The following CDHR2 variants were observed in gnomAD, a reference collection of about 807,000 sequenced individuals.
The protein encoded by CDHR2 is cadherin-related family member 2.
In CDHR2, 104 loss-of-function variants were observed where a neutral mutation model predicts 138.6. That is an observed-to-expected ratio of 0.75 (90% confidence interval 0.64 to 0.88). The LOEUF is 0.88. Ranked by LOEUF, CDHR2 falls within the 40% of genes least tolerant of loss-of-function variation. The pLI is 0.00. For missense variants in CDHR2, 1,624 were observed against 1,727.6 expected (o/e 0.94, Z 1.06); for synonymous variants, 755 against 742.8 (o/e 1.02, Z -0.27).
intron 1 of CDHR2, 104 bp downstream of exon 1, chr5:176,549,518 C>T (rs1309982309): frequency 6.6e-6 from 1 of 152,282 alleles, no homozygotes; most frequent in Non-Finnish European, 1.5e-5. Context: ...AAAGTCTCCC[C>T]TGAAGCTGGG....
At chr5:176,548,993 A>G (rs1397231789), upstream of CDHR2, among the ~76,000 whole-genome samples, 1 of 152,094 alleles carries the variant, frequency 6.6e-6, no homozygotes, top group African/African-American at 2.4e-5. Flanking sequence ...CCACTTGTCC[A>G]CAGATCCCCT....
intron 30 of CDHR2, among the ~76,000 whole-genome samples, chr5:176,592,217 G>A (rs912086995): frequency 4.0e-5 from 6 of 149,954 alleles, no homozygotes; most frequent in African/African-American, 1.5e-4. Context: ...TGATGGTGGT[G>A]ATGATGGTGA....
In CDHR2 at chr5:176,576,134, C is replaced by A. The variant is rs746901933; in HGVS notation, c.1143C>A (p.Ser381=). The change falls in exon 12 of 32, where the codon TCC becomes TCA. Residue 381 remains serine, a synonymous_variant. Coordinates refer to ENST00000261944, the MANE Select transcript of CDHR2 (RefSeq NM_017675.6). This position sits in a 1 kb window ranked among gnomAD's most constrained non-coding sequence, Gnocchi z 4.5. ...NFTGYVDEHA[S]PRIPIDDLTM... ...CTGGCTACGTGGACGAGCATGCCTC[C>A]CCCCGCATCCCCATCGATGACCTCA... is the stretch of plus-strand genomic sequence containing the variant. 11 of 1,614,038 alleles carry A rather than the reference C, an allele frequency of 6.8e-6. No individual in the cohort carries two copies. Among genetic ancestry groups the A allele is most frequent in the Non-Finnish European group, 9.3e-6 (11 of 1,180,044 alleles).
At chr5:176,566,345 T>C (rs1208677288) in intron 3 of CDHR2, among the ~76,000 whole-genome samples, 2 of 152,196 alleles carry the variant, frequency 1.3e-5, no homozygotes, top group African/African-American at 2.4e-5. Flanking sequence ...GCAAAGGTCA[T>C]GGCAGCGGTG....
At chr5:176,571,550 T>G (rs889942549) in intron 6 of CDHR2, among the ~76,000 whole-genome samples, 1 of 151,886 alleles carries the variant, frequency 6.6e-6, no homozygotes, top group South Asian at 2.1e-4. Flanking sequence ...TTGATTTTTT[T>G]TGTGTAGACG....
intron 31 of CDHR2, among the ~76,000 whole-genome samples, chr5:176,594,653 C>T (rs188079333): frequency 2.6e-4 from 40 of 152,372 alleles, no homozygotes; most frequent in Non-Finnish European, 4.0e-4. Context: ...CTGAGGAACA[C>T]AGGCAGAATG....
chr5:176,568,146 A>G (rs1210464980), intron 3 of CDHR2, among the ~76,000 whole-genome samples: 1 of 152,188 alleles, frequency 6.6e-6, no homozygotes, highest in Non-Finnish European at 1.5e-5. Context: ...GCTCAGGGAT[A>G]GGGTGGGTTT....
intron 6 of CDHR2, among the ~76,000 whole-genome samples, chr5:176,571,599 C>G (rs901425595): frequency 6.6e-6 from 1 of 152,050 alleles, no homozygotes; most frequent in Non-Finnish European, 1.5e-5. Context: ...TGCAGTGGCA[C>G]GATCTCGGCT....
chr5:176,557,560 A>ATTTTTTT (rs5873538), intron 1 of CDHR2, among the ~76,000 whole-genome samples: 12 of 87,418 alleles, frequency 1.4e-4, no homozygotes, highest in Non-Finnish European at 2.4e-4. Flanking sequence ...ACCTTCTTAG[A>ATTTTTTT]TTTTTTTTTT....
chr5:176,575,693 G>A (rs986551541), intron 10 of CDHR2, 31 bp from the exon 11 acceptor site: 3 of 1,591,644 alleles, frequency 1.9e-6, no homozygotes, highest in Non-Finnish European at 2.6e-6. Flanking sequence ...TGGAGCAGCT[G>A]TTCCAGCTGT....
chr5:176,557,409 T>C (rs1366600093), intron 1 of CDHR2, among the ~76,000 whole-genome samples: 1 of 152,174 alleles, frequency 6.6e-6, no homozygotes, highest in Non-Finnish European at 1.5e-5. Flanking sequence ...TTTTGCCATG[T>C]AGGTCAGGCT....
At chr5:176,565,161 C>G in intron 1 of CDHR2, 177 bp from the exon 2 acceptor site, 1 of 598,324 alleles carries the variant, frequency 1.7e-6, no homozygotes, top group Non-Finnish European at 3.0e-6. Flanking sequence ...CCTGGCCTCC[C>G]CCTTGGTTCC....
At chr5:176,546,630 A>T (rs1757588961), upstream of CDHR2, among the ~76,000 whole-genome samples, 1 of 151,782 alleles carries the variant, frequency 6.6e-6, no homozygotes, top group Non-Finnish European at 1.5e-5. Flanking sequence ...AAATGAAATT[A>T]AAAATTGTGG....
chr5:176,563,632 A>T (rs6885836), intron 1 of CDHR2, among the ~76,000 whole-genome samples: 147,398 of 152,260 alleles, frequency 0.97, 71,533 homozygotes, highest in East Asian at 1. Context: ...AGTCCTGCGA[A>T]CTCTATTTTA....
chr5:176,547,469 A>C (rs1047211188), upstream of CDHR2: 1 of 152,172 alleles, frequency 6.6e-6, no homozygotes, highest in East Asian at 1.9e-4. Flanking sequence ...GGAGTGCAGT[A>C]GCTATTCATA....
chr5:176,590,125 A>G lies in CDHR2; in HGVS notation c.3254A>G (p.Gln1085Arg). Residue 1085 changes from glutamine to arginine, a missense_variant, in exon 25 of 32, where the codon CAG (glutamine) becomes CGG (arginine). By Grantham distance (43) the Gln-to-Arg change is conservative. Transcript: ENST00000261944. ...TRTTVYIVDI[Q>R]DIDSAARARP... ...ACTACAGTATACATTGTGGACATTC[A>G]GGACATAGATTCTGCAGCTCGGTGA... 1.2e-6 allele frequency: 2 copies of G among 1,613,856 alleles called. No homozygotes were observed. Among genetic ancestry groups the G allele is most frequent in the South Asian group, 1.1e-5 (1 of 91,082 alleles).
intron 1 of CDHR2, among the ~76,000 whole-genome samples, chr5:176,554,098 G>A (rs999065833): frequency 6.6e-6 from 1 of 152,206 alleles, no homozygotes; most frequent in Non-Finnish European, 1.5e-5. Flanking sequence ...CGTTCAGCAT[G>A]TGGGCTGTCC....
Position 176,589,536 on chromosome 5 carries a change from C to A in CDHR2, c.3126C>A (p.Thr1042=), listed in dbSNP as rs748342100. 2 of 1,614,114 alleles carry A rather than the reference C, an allele frequency of 1.2e-6. No individual in the cohort carries two copies. Among genetic ancestry groups the A allele is most frequent in the Non-Finnish European group, 8.5e-7 (1 of 1,180,010 alleles). Residue 1042 remains threonine, a synonymous_variant, in exon 24 of 32, where the codon ACC becomes ACA. Transcript: ENST00000261944. ...GCACACCCCCTTCCCAGCTCTTCAC[C>A]GTGGACCAGAGTTACCGCTCGCGGC... ...LEATTTLNLF[T]VDQSYRSRLQ... is the part of the protein sequence containing the mutation.
upstream of CDHR2, among the ~76,000 whole-genome samples, chr5:176,546,657 A>G (rs933147738): frequency 1.3e-5 from 2 of 150,350 alleles, no homozygotes; most frequent in Non-Finnish European, 2.9e-5. Context: ...AGGGCGGCTC[A>G]CACCTGTAAT....
Sources: allele counts gnomAD v4.1 joint callset (sites outside exome capture counted in the v4.1 genomes callset), GRCh38; gene constraint gnomAD v4.1.1; non-coding constraint Gnocchi (gnomAD v3.1); transcripts MANE v1.5; gene names NCBI Gene and HGNC (gene_info 2026-07-23, HGNC 2026-07-21).